Variants in ACTA2 observed in about 807,000 individuals in gnomAD.
ACTA2 encodes actin, aortic smooth muscle.
Under a neutral mutation model 39.5 loss-of-function variants are expected in ACTA2, and 12 were observed. The observed-to-expected ratio is 0.30, with a 90% CI of 0.19 to 0.49. ACTA2 has a LOEUF of 0.49. ACTA2 is among the 20% of genes least tolerant of loss of function. ACTA2 has a pLI of 0.99. For missense variants in ACTA2, 236 were observed against 498.8 expected (o/e 0.47, Z 5.02); for synonymous variants, 158 against 180.6 (o/e 0.88, Z 1.00).
intron 1 of ACTA2, among the ~76,000 whole-genome samples, chr10:88,983,707 T>G (rs944188998): frequency 4.6e-5 from 7 of 152,062 alleles, no homozygotes; most frequent in East Asian, 3.8e-4. Flanking sequence ...TGATATCTTA[T>G]TTTTGTTTAT....
At position 88,976,391 on chromosome 10, in the gene ACTA2, CTATT is replaced by C. The variant is rs1467712112; in HGVS notation, c.-24+14544_-24+14547del. ...AAATGCCAGAGTAAACAAGGGGAAA[CTATT>C]TAGTCTCTAACAAAAGGATTGATAG... On this transcript the variant is annotated intron_variant, in intron 1 of 4. Transcript: ENST00000415557. 4.6e-5 allele frequency among the ~76,000 whole-genome samples: 7 copies of C among 152,290 alleles called. No individual in the cohort carries two copies. The Middle Eastern group carries it at 0.014, about 296-fold the overall frequency.
chr10:88,943,915 G>T lies in ACTA2; in HGVS notation c.259-8C>A. ...GAAAGAGTGGTGCCAGATCTAGTGA[G>T]TTGGGGGACAGAGGAGAAACACAAT... On this transcript the variant is annotated splice_polypyrimidine_tract_variant and splice_region_variant and intron_variant, in intron 3 of 8. Coordinates refer to ENST00000224784, the MANE Select transcript of ACTA2 (RefSeq NM_001613.4). 1.9e-6 allele frequency: 3 copies of T among 1,612,080 alleles called. No homozygotes were observed.
intron 1 of ACTA2, among the ~76,000 whole-genome samples, chr10:88,957,961 C>A (rs1432725003): frequency 6.6e-6 from 1 of 151,862 alleles, no homozygotes. Flanking sequence ...AGAGACGGGG[C>A]TTTACCATCT....
At chr10:88,973,217 T>C (rs1172649404) in intron 1 of ACTA2, 3 of 1,612,460 alleles carry the variant, frequency 1.9e-6, no homozygotes, top group Non-Finnish European at 2.5e-6. Context: ...TTTCTGGCAC[T>C]GCTTTGGAGA....
At chr10:88,984,378 C>A (rs1302023717) in intron 1 of ACTA2, among the ~76,000 whole-genome samples, 1 of 152,032 alleles carries the variant, frequency 6.6e-6, no homozygotes, top group East Asian at 1.9e-4. Context: ...CTGTATAGGT[C>A]AGAATCTATT....
intron 1 of ACTA2, among the ~76,000 whole-genome samples, chr10:88,981,038 G>A (rs561969211): frequency 5.3e-5 from 8 of 152,286 alleles, no homozygotes; most frequent in African/African-American, 1.9e-4. Flanking sequence ...ATGTTTGAAT[G>A]ACAGAGTAGG....
chr10:88,972,308 T>A (rs1158654637), intron 1 of ACTA2, among the ~76,000 whole-genome samples: 1 of 152,216 alleles, frequency 6.6e-6, no homozygotes, highest in Non-Finnish European at 1.5e-5. Flanking sequence ...TTGTCTTGTC[T>A]TCAGGCAGCA....
At chr10:88,989,496 C>G (rs764052466) in intron 1 of ACTA2, 11 of 544,110 alleles carry the variant, frequency 2.0e-5, no homozygotes, top group Non-Finnish European at 3.6e-5. Flanking sequence ...ACAAGGCTGG[C>G]ACGCCCAGGG....
At chr10:88,982,429 T>C (rs1424278908) in intron 1 of ACTA2, among the ~76,000 whole-genome samples, 1 of 145,032 alleles carries the variant, frequency 6.9e-6, no homozygotes, top group Non-Finnish European at 1.5e-5. Flanking sequence ...TGTTTTTTTC[T>C]TTTTTTTTTT....
chr10:88,940,872 C>T, intron 6 of ACTA2: 1 of 342,146 alleles, frequency 2.9e-6, no homozygotes, highest in South Asian at 2.4e-5. Flanking sequence ...TACTGAGTAG[C>T]AGAGTTGGGA....
intron 6 of ACTA2, 35 bp downstream of exon 6, chr10:88,941,194 G>C (rs201017430): frequency 1.2e-6 from 2 of 1,612,538 alleles, no homozygotes; most frequent in African/African-American, 1.3e-5. Context: ...GCAACACACT[G>C]CTCCCCTCTC....
intron 1 of ACTA2, among the ~76,000 whole-genome samples, chr10:88,949,502 AT>A (rs1846012187): frequency 1.3e-5 from 2 of 152,332 alleles, no homozygotes; most frequent in South Asian, 4.1e-4. Flanking sequence ...ATCTTTTTGA[AT>A]CATGAGGACT....
At chr10:88,977,091 A>T (rs1367850140) in intron 1 of ACTA2, among the ~76,000 whole-genome samples, 1 of 152,058 alleles carries the variant, frequency 6.6e-6, no homozygotes, top group African/African-American at 2.4e-5. Context: ...AATTTAAGAT[A>T]ATTTTCTCCC....
At chr10:88,981,327 T>C (rs1302342285) in intron 1 of ACTA2, among the ~76,000 whole-genome samples, 11 of 152,224 alleles carry the variant, frequency 7.2e-5, no homozygotes, top group Non-Finnish European at 1.6e-4. Flanking sequence ...TCCTGTGCAG[T>C]TAAACCCTTG....
exon 1 of ACTA2, chr10:88,991,244 G>A (rs1013614819): frequency 6.2e-6 from 3 of 485,814 alleles, no homozygotes; most frequent in Non-Finnish European, 1.1e-5. Flanking sequence ...GAATTGAAGC[G>A]GAAGTCTGGG....
At chr10:88,973,164 C>T in intron 1 of ACTA2, 1 of 1,605,798 alleles carries the variant, frequency 6.2e-7, no homozygotes, top group Non-Finnish European at 8.5e-7. Flanking sequence ...CCTTCCCTTT[C>T]TTCTGTGTGA....
chr10:88,968,583 G>C (rs559118812), intron 1 of ACTA2, among the ~76,000 whole-genome samples: 4 of 152,100 alleles, frequency 2.6e-5, no homozygotes, highest in Non-Finnish European at 5.9e-5. Flanking sequence ...AGAAAATTCT[G>C]GCTTCTTTAG....
chr10:88,973,283 T>C, intron 1 of ACTA2: 1 of 1,612,330 alleles, frequency 6.2e-7, no homozygotes, highest in Non-Finnish European at 8.5e-7. Flanking sequence ...TGGGGATCTC[T>C]AGGTCATCAT....
At chr10:88,944,469 CAAAT>C (rs991530691) in intron 3 of ACTA2, among the ~76,000 whole-genome samples, 6 of 152,164 alleles carry the variant, frequency 3.9e-5, no homozygotes, top group East Asian at 1.9e-4. Flanking sequence ...AATAAAAAGA[CAAAT>C]GAATGTATAT....
Sources: allele counts gnomAD v4.1 joint callset (sites outside exome capture counted in the v4.1 genomes callset), GRCh38; gene constraint gnomAD v4.1.1; transcripts MANE v1.5; gene names NCBI Gene and HGNC (gene_info 2026-07-23, HGNC 2026-07-21).